Variants in PRKCA observed in about 807,000 individuals in gnomAD.
The protein encoded by PRKCA is protein kinase C alpha.
PRKCA carries 27 observed loss-of-function variants against 87.0 expected under a neutral mutation model. The observed-to-expected ratio is 0.31, with a 90% CI of 0.23 to 0.43. The LOEUF (loss-of-function observed/expected upper bound fraction) is 0.43. Among genes scored for constraint, PRKCA ranks in the 20% least tolerant of loss-of-function variants. The pLI is 1.00. For missense variants in PRKCA, 518 were observed against 852.3 expected, an observed-to-expected ratio of 0.61 and a Z score of 4.88; for synonymous variants, 329 against 311.1, an observed-to-expected ratio of 1.06 and a Z score of -0.61.
chr17:66,781,889 T>TATATATATATATATA (rs1568030784), intron 14 of PRKCA, among the ~76,000 whole-genome samples: 4 of 97,726 alleles, frequency 4.1e-5, no homozygotes, highest in African/African-American at 2.1e-4. Flanking sequence ...ATATATATAG[T>TATATATATATATATA]GTGTGTGTGT....
intron 2 of PRKCA, among the ~76,000 whole-genome samples, chr17:66,346,643 A>G (rs959233923): frequency 6.6e-6 from 1 of 152,194 alleles, no homozygotes; most frequent in South Asian, 2.1e-4. Flanking sequence ...TATTAGAAAT[A>G]TTATGTCCTA....
chr17:66,592,287 A>G (rs1969830952), intron 3 of PRKCA, among the ~76,000 whole-genome samples: 2 of 142,428 alleles, frequency 1.4e-5, no homozygotes, highest in Admixed American at 1.5e-4. Flanking sequence ...CCCAAGAGGT[A>G]GAGGTTGCCA....
At chr17:66,437,731 T>TTTTTTTTTGTGTG (rs55779501) in intron 2 of PRKCA, among the ~76,000 whole-genome samples, 1 of 11,142 alleles carries the variant, frequency 9.0e-5, no homozygotes, top group South Asian at 2.6e-3. Flanking sequence ...TTTTTTTTTT[T>TTTTTTTTTGTGTG]GAGCGGGGGG....
At chr17:66,581,368 A>G (rs1466439034) in intron 3 of PRKCA, among the ~76,000 whole-genome samples, 4 of 152,250 alleles carry the variant, frequency 2.6e-5, no homozygotes, top group Non-Finnish European at 2.9e-5. Context: ...TGGACATTCA[A>G]ATAGGAAGTT....
rs576131820 is a variant in PRKCA, at chr17:66,441,819, C to T, written c.206-54382C>T. ...CTCTTAGACCTTCTGAAAGCTATGA[C>T]GTATGTATATTTATACCATAATAGA... On this transcript the variant is annotated intron_variant, in intron 2 of 16. Coordinates refer to ENST00000413366, the MANE Select transcript of PRKCA (RefSeq NM_002737.3). 5.9e-5 allele frequency among the ~76,000 whole-genome samples: 9 copies of T among 152,136 alleles called. No individual in the cohort carries two copies. In the South Asian group the frequency reaches 1.5e-3, roughly 25 times the overall value.
In PRKCA at chr17:66,380,935, T is replaced by C. The variant is rs145206045; in HGVS notation, c.205+74808T>C. Among the ~76,000 whole-genome samples the C allele has an allele frequency of 7.2e-3, 1,068 of 148,854 alleles. 7 individuals are homozygous for C. The highest frequency in any genetic ancestry group is 9.7e-3 in the Non-Finnish European group (658 of 67,504). The stretch of plus-strand genomic sequence containing the variant: ...AAAGAATCTAAGGTATTTTTATTTT[T>C]TATTTTTCTTTTTTTTTTTTTGGAG... On this transcript the variant is annotated intron_variant, in intron 2 of 16. Coordinates refer to ENST00000413366, the MANE Select transcript of PRKCA (RefSeq NM_002737.3).
chr17:66,311,074 G>A (rs1276287002), intron 2 of PRKCA, among the ~76,000 whole-genome samples: 2 of 152,154 alleles, frequency 1.3e-5, no homozygotes, highest in African/African-American at 4.8e-5. Flanking sequence ...TCTGTCTTCA[G>A]GAGGGGTTCA....
intron 2 of PRKCA, among the ~76,000 whole-genome samples, chr17:66,377,721 A>ATATATAT (rs1350881561): frequency 1.4e-5 from 1 of 69,146 alleles, no homozygotes; most frequent in Non-Finnish European, 2.5e-5. Context: ...ATATATATAT[A>ATATATAT]TTTTTTTTTT....
At chr17:66,753,770 G>T (rs9911443) in intron 13 of PRKCA, among the ~76,000 whole-genome samples, 3,948 of 152,080 alleles carry the variant, frequency 0.026, 190 homozygotes, top group African/African-American at 0.091. Flanking sequence ...GCCACAGGAG[G>T]GTGCATATGG....
rs544892353 is a variant in PRKCA, at chr17:66,739,827, G to A, written c.1322+972G>A. 9.9e-5 allele frequency among the ~76,000 whole-genome samples: 15 copies of A among 152,216 alleles called. No homozygotes were observed. The South Asian group carries it at 3.1e-3, about 32-fold the overall frequency. On this transcript the variant is annotated intron_variant, in intron 11 of 16. Transcript: ENST00000413366. ...GAAGAGCCTGGTAAGGAGCCTGGCT[G>A]TGGAGGAGGGAAGAGGGAAGGCACT...
At chr17:66,451,266 T>TA (rs1323864142) in intron 2 of PRKCA, among the ~76,000 whole-genome samples, 3 of 152,184 alleles carry the variant, frequency 2.0e-5, no homozygotes, top group Admixed American at 2.0e-4. Context: ...AGATTTGATC[T>TA]ACGTGTGGAT....
chr17:66,388,028 A>G (rs576994161), intron 2 of PRKCA, among the ~76,000 whole-genome samples: 1 of 152,212 alleles, frequency 6.6e-6, no homozygotes, highest in African/African-American at 2.4e-5. Context: ...TCTCTTTTTG[A>G]AATAGCTATC....
intron 3 of PRKCA, among the ~76,000 whole-genome samples, chr17:66,635,219 A>G (rs2143767571): frequency 6.6e-6 from 1 of 152,292 alleles, no homozygotes; most frequent in South Asian, 2.1e-4. Context: ...GATGTAGGAA[A>G]GGATCCTGAG....
chr17:66,418,656 C>T (rs979220674), intron 2 of PRKCA, among the ~76,000 whole-genome samples: 4 of 151,982 alleles, frequency 2.6e-5, no homozygotes, highest in African/African-American at 4.8e-5. Context: ...AGGGTGGCCT[C>T]GATCTCCTGA....
At chr17:66,438,815 T>A (rs1173642851) in intron 2 of PRKCA, among the ~76,000 whole-genome samples, 1 of 152,144 alleles carries the variant, frequency 6.6e-6, no homozygotes, top group African/African-American at 2.4e-5. Flanking sequence ...CATCAGCTCT[T>A]GTGAGAAACT....
chr17:66,319,908 AT>A (rs986512610), intron 2 of PRKCA, among the ~76,000 whole-genome samples: 2 of 151,640 alleles, frequency 1.3e-5, no homozygotes, highest in East Asian at 1.9e-4. Context: ...CACCTGACTA[AT>A]TTTTTTGTAT....
At chr17:66,767,344 A>T (rs924129088) in intron 13 of PRKCA, among the ~76,000 whole-genome samples, 4 of 152,264 alleles carry the variant, frequency 2.6e-5, no homozygotes, top group East Asian at 1.9e-4. Flanking sequence ...GTTTCCAAGA[A>T]CTTACTGCTG....
intron 2 of PRKCA, among the ~76,000 whole-genome samples, chr17:66,483,750 G>A (rs747382864): frequency 7.2e-5 from 11 of 151,964 alleles, no homozygotes; most frequent in Non-Finnish European, 1.2e-4. Context: ...GTGAGCCACC[G>A]CACCCAGCCC....
chr17:66,480,720 C>G (rs1310399552), intron 2 of PRKCA, among the ~76,000 whole-genome samples: 1 of 151,874 alleles, frequency 6.6e-6, no homozygotes, highest in Non-Finnish European at 1.5e-5. Context: ...AAAGCCAAAC[C>G]AGAACATTAA....
Sources: allele counts gnomAD v4.1 joint callset (sites outside exome capture counted in the v4.1 genomes callset), GRCh38; gene constraint gnomAD v4.1.1; transcripts MANE v1.5; gene names NCBI Gene and HGNC (gene_info 2026-07-23, HGNC 2026-07-21).